RGS6: variants seen among roughly 807,000 people sequenced by gnomAD.
RGS6 encodes regulator of G-protein signaling 6.
Under a neutral mutation model 78.5 loss-of-function variants are expected in RGS6, and 30 were observed. The ratio of observed to expected loss-of-function variants is 0.38; its 90% CI spans 0.29 to 0.52. The LOEUF (loss-of-function observed/expected upper bound fraction) is 0.52. Ranked by LOEUF, RGS6 falls within the 20% of genes least tolerant of loss-of-function variation. The pLI is 0.85. For synonymous variants in RGS6, 206 were observed against 206.0 expected (o/e 1.00, Z 0.00); for missense variants, 495 against 609.7 (o/e 0.81, Z 1.98).
chr14:72,571,803 A>C, the RGS6 span, among the ~76,000 whole-genome samples: 2 of 152,234 alleles, frequency 1.3e-5, no homozygotes, highest in Non-Finnish European at 2.9e-5. Context: ...AAAAGAAAAA[A>C]ATAGACAAAT....
chr14:72,157,849 T>C (rs539439566), intron 2 of RGS6, among the ~76,000 whole-genome samples: 1 of 152,284 alleles, frequency 6.6e-6, no homozygotes, highest in East Asian at 1.9e-4. Flanking sequence ...TTTTTTCTTT[T>C]TCTTTTTTTA....
chr14:72,326,813 T>A (rs953910387), intron 2 of RGS6, among the ~76,000 whole-genome samples: 3 of 152,224 alleles, frequency 2.0e-5, no homozygotes, highest in African/African-American at 7.2e-5. Context: ...GCTCACGCCA[T>A]TGTCCTGCCT....
intron 3 of RGS6, among the ~76,000 whole-genome samples, chr14:72,453,878 AG>A (rs2095560593): frequency 6.6e-6 from 1 of 152,106 alleles, no homozygotes; most frequent in South Asian, 2.1e-4. Context: ...TGGGATTGAA[AG>A]GGGCAGAGCT....
chr14:72,281,680 T>C (rs2061610627), intron 2 of RGS6, among the ~76,000 whole-genome samples: 1 of 152,128 alleles, frequency 6.6e-6, no homozygotes, highest in African/African-American at 2.4e-5. Context: ...GAGGCAGATC[T>C]CTGAAAATCT....
chr14:71,902,833 G>A, the RGS6 span, among the ~76,000 whole-genome samples: 1 of 152,066 alleles, frequency 6.6e-6, no homozygotes, highest in African/African-American at 2.4e-5. Flanking sequence ...ATAAAAATGG[G>A]CATTGGCAAC....
At chr14:72,541,092 A>T (rs2097320829) in intron 17 of RGS6, 1 of 1,357,156 alleles carries the variant, frequency 7.4e-7, no homozygotes, top group Admixed American at 1.9e-5. Flanking sequence ...TGAACATCAA[A>T]CCAGAGGGAA....
chr14:72,365,282 A>G (rs2082247667), intron 3 of RGS6, among the ~76,000 whole-genome samples: 1 of 152,232 alleles, frequency 6.6e-6, no homozygotes, highest in South Asian at 2.1e-4. Context: ...TGGAAAAATA[A>G]TTTATGGGTA....
chr14:72,536,539 G>T (rs746975517), intron 16 of RGS6, among the ~76,000 whole-genome samples: 1 of 152,058 alleles, frequency 6.6e-6, no homozygotes. Context: ...GGGTGGGTAC[G>T]TAGGGTGACA....
intron 6 of RGS6, 77 bp from the exon 7 acceptor site, chr14:72,465,681 G>C (rs78942360): frequency 6.8e-6 from 7 of 1,026,430 alleles, no homozygotes; most frequent in Non-Finnish European, 1.1e-5. Flanking sequence ...TGAATGGATG[G>C]ACAGATGGAT....
At chr14:72,499,660 TTTG>T (rs1015353570) in intron 13 of RGS6, among the ~76,000 whole-genome samples, 1 of 152,128 alleles carries the variant, frequency 6.6e-6, no homozygotes, top group Non-Finnish European at 1.5e-5. Context: ...TTGGGGTTTT[TTTG>T]TTGTTTGTTT....
At chr14:72,070,013 G>A (rs1353492216) in intron 2 of RGS6, among the ~76,000 whole-genome samples, 2 of 152,100 alleles carry the variant, frequency 1.3e-5, no homozygotes, top group Admixed American at 6.5e-5. Context: ...ATGGCAAACT[G>A]TCTTGGATTT....
chr14:72,556,531 A>G (rs762782672), intron 17 of RGS6, among the ~76,000 whole-genome samples: 8 of 152,122 alleles, frequency 5.3e-5, no homozygotes, highest in Non-Finnish European at 1.2e-4. Flanking sequence ...TGAGCCTACT[A>G]GTGGTCCCAG....
chr14:72,458,137 A>T, intron 4 of RGS6, 134 bp from the exon 5 acceptor site: 1 of 653,570 alleles, frequency 1.5e-6, no homozygotes, highest in Non-Finnish European at 2.6e-6. Context: ...TCACCCCCAC[A>T]CTGAGCAAGG....
intron 2 of RGS6, among the ~76,000 whole-genome samples, chr14:72,157,463 C>T (rs1003245079): frequency 6.6e-6 from 1 of 152,206 alleles, no homozygotes; most frequent in Non-Finnish European, 1.5e-5. Context: ...CCAGTAGCAG[C>T]AGAGGTGCTA....
chr14:72,095,966 A>C (rs2095396598), intron 2 of RGS6, among the ~76,000 whole-genome samples: 1 of 152,122 alleles, frequency 6.6e-6, no homozygotes, highest in Non-Finnish European at 1.5e-5. Context: ...CTAAGAAGGG[A>C]ACCTTAAAAA....
At chr14:72,499,307 C>G (rs536820604) in intron 13 of RGS6, among the ~76,000 whole-genome samples, 1 of 152,294 alleles carries the variant, frequency 6.6e-6, no homozygotes, top group East Asian at 1.9e-4. Context: ...GCCTTACTGT[C>G]CATATGAGAA....
At chr14:72,442,734 G>A (rs1036118393) in intron 3 of RGS6, among the ~76,000 whole-genome samples, 12 of 152,238 alleles carry the variant, frequency 7.9e-5, no homozygotes, top group African/African-American at 2.9e-4. Flanking sequence ...GAAACTGAAG[G>A]ATGGAAGGTC....
chr14:72,247,055 C>A lies in RGS6; in HGVS notation c.85-105040C>A, dbSNP rs576589572. On this transcript the variant is annotated intron_variant, in intron 2 of 17. Transcript: ENST00000553525. ...CTCTCCTCTCCTTCCTCCCTCATTCCTGCACCTAGAATGTTTTCAAAAGTT... is the reference window on the plus strand; with the variant it reads ...CTCTCCTCTCCTTCCTCCCTCATTCATGCACCTAGAATGTTTTCAAAAGTT... Among the ~76,000 whole-genome samples the A allele has an allele frequency of 1.3e-4, 20 of 152,294 alleles. No individual in the cohort carries two copies. The East Asian group carries it at 3.9e-3, about 29-fold the overall frequency.
At chr14:72,055,642 A>G (rs559121329) in intron 2 of RGS6, among the ~76,000 whole-genome samples, 1 of 152,150 alleles carries the variant, frequency 6.6e-6, no homozygotes, top group Admixed American at 6.5e-5. Context: ...AGCATTGAAC[A>G]TAGGGATTTT....
Sources: gnomAD v4.1 joint callset for allele counts (sites outside exome capture counted in the v4.1 genomes callset) on GRCh38, gnomAD v4.1.1 for gene constraint, MANE v1.5 for transcripts, NCBI Gene and HGNC (gene_info 2026-07-23, HGNC 2026-07-21) for gene names.